Variants in STXBP5L observed in about 807,000 individuals in gnomAD.
The protein encoded by STXBP5L is syntaxin-binding protein 5-like.
A neutral mutation model predicts 144.5 loss-of-function variants in STXBP5L; 65 were observed. The observed-to-expected ratio is 0.45, with a 90% CI of 0.37 to 0.55. The LOEUF (loss-of-function observed/expected upper bound fraction) is 0.55, where lower values mean the gene tolerates loss of function less well. Among genes scored for constraint, STXBP5L ranks in the 20% least tolerant of loss-of-function variants. The pLI is 0.00. For missense variants in STXBP5L, 1,298 were observed against 1,405.5 expected, an observed-to-expected ratio of 0.92 and a Z score of 1.22; for synonymous variants, 505 against 469.6, an observed-to-expected ratio of 1.08 and a Z score of -0.97.
intron 19 of STXBP5L, among the ~76,000 whole-genome samples, chr3:121,297,946 G>A (rs1604880): frequency 0.099 from 15,125 of 152,190 alleles, 1,181 homozygotes; most frequent in Admixed American, 0.2. Flanking sequence ...ACATGAGAAT[G>A]CTAATATTTC....
chr3:121,052,255 C>T (rs1338906054), intron 5 of STXBP5L, among the ~76,000 whole-genome samples: 1 of 150,534 alleles, frequency 6.6e-6, no homozygotes, highest in East Asian at 2.0e-4. Flanking sequence ...TCCTGGCATC[C>T]AGGCTTTGAT....
chr3:121,395,607 TG>T (rs1468043521), intron 22 of STXBP5L, among the ~76,000 whole-genome samples: 1 of 152,236 alleles, frequency 6.6e-6, no homozygotes, highest in Non-Finnish European at 1.5e-5. Flanking sequence ...CATGTGCAAC[TG>T]CATCATAGAG....
intron 7 of STXBP5L, among the ~76,000 whole-genome samples, chr3:121,149,415 G>A (rs2045848521): frequency 6.6e-6 from 1 of 151,834 alleles, no homozygotes; most frequent in African/African-American, 2.4e-5. Context: ...AGCCACCAAA[G>A]TCAGGAAGAA....
intron 3 of STXBP5L, among the ~76,000 whole-genome samples, chr3:121,018,742 TG>T (rs1411738182): frequency 6.6e-6 from 1 of 152,152 alleles, no homozygotes; most frequent in African/African-American, 2.4e-5. Flanking sequence ...AGGCACAAAA[TG>T]GCAGATAGGA....
rs995417871 is a variant in STXBP5L, at chr3:121,109,731, C to A, written c.471-5194C>A. 2.0e-5 allele frequency among the ~76,000 whole-genome samples: 3 copies of A among 152,162 alleles called. No individual in the cohort carries two copies. The East Asian group carries it at 5.8e-4, about 29-fold the overall frequency. On this transcript the variant is annotated intron_variant, in intron 5 of 26. Transcript: ENST00000471454. Reference sequence around the variant, plus strand: ...TAGAGAGTTCTGTAGATACCCAGACCAACTTAAGCCAGAGCTGAGTTTGAG... The same window carrying A: ...TAGAGAGTTCTGTAGATACCCAGACAAACTTAAGCCAGAGCTGAGTTTGAG...
chr3:120,952,738 A>G (rs1188457650), intron 2 of STXBP5L, among the ~76,000 whole-genome samples: 4 of 152,136 alleles, frequency 2.6e-5, no homozygotes, highest in Admixed American at 1.3e-4. Flanking sequence ...AACTATATAA[A>G]GTACCCATGC....
At chr3:121,163,028 C>A (rs2046376544) in intron 9 of STXBP5L, among the ~76,000 whole-genome samples, 1 of 152,156 alleles carries the variant, frequency 6.6e-6, no homozygotes, top group Non-Finnish European at 1.5e-5. Flanking sequence ...CCTCAAGAAT[C>A]TAGAACCAGA....
chr3:121,278,259 G>A (rs150511353), intron 18 of STXBP5L, among the ~76,000 whole-genome samples: 6 of 151,820 alleles, frequency 4.0e-5, no homozygotes, highest in Admixed American at 3.3e-4. Context: ...TGACCAATAT[G>A]TGAAAACTGT....
At chr3:121,328,487 G>A (rs756894071) in intron 20 of STXBP5L, among the ~76,000 whole-genome samples, 8 of 152,148 alleles carry the variant, frequency 5.3e-5, no homozygotes, top group African/African-American at 1.2e-4. Context: ...GGTGGCTCAC[G>A]CTTGTAAACT....
intron 3 of STXBP5L, among the ~76,000 whole-genome samples, chr3:120,977,692 C>A (rs905781827): frequency 6.6e-6 from 1 of 152,124 alleles, no homozygotes; most frequent in African/African-American, 2.4e-5. Context: ...CCAGTTGTTT[C>A]TTTCCATGTT....
At chr3:121,395,076 T>C (rs1485230083) in intron 22 of STXBP5L, among the ~76,000 whole-genome samples, 1 of 152,226 alleles carries the variant, frequency 6.6e-6, no homozygotes, top group Non-Finnish European at 1.5e-5. Context: ...TATCATTCTT[T>C]GTGAAAATTC....
intron 3 of STXBP5L, among the ~76,000 whole-genome samples, chr3:120,967,325 G>C (rs757578183): frequency 6.6e-6 from 1 of 152,118 alleles, no homozygotes; most frequent in Non-Finnish European, 1.5e-5. Flanking sequence ...ACCAGTCCCA[G>C]TGAGATTAAG....
chr3:121,171,971 C>T (rs1394772061), intron 9 of STXBP5L, among the ~76,000 whole-genome samples: 1 of 152,158 alleles, frequency 6.6e-6, no homozygotes, highest in Non-Finnish European at 1.5e-5. Context: ...GCTACAGTAA[C>T]CCAAACAGCA....
intron 9 of STXBP5L, among the ~76,000 whole-genome samples, chr3:121,175,711 C>G (rs534547758): frequency 2.2e-4 from 33 of 151,900 alleles, no homozygotes; most frequent in Non-Finnish European, 4.1e-4. Context: ...ATTTTAAATA[C>G]AAGTATATCA....
intron 5 of STXBP5L, among the ~76,000 whole-genome samples, chr3:121,092,125 T>C (rs2042840556): frequency 6.6e-6 from 1 of 151,874 alleles, no homozygotes. Flanking sequence ...GTTCTATTGG[T>C]CTATATCTCT....
At chr3:121,354,317 A>T (rs1010653814) in intron 20 of STXBP5L, among the ~76,000 whole-genome samples, 1 of 152,080 alleles carries the variant, frequency 6.6e-6, no homozygotes, top group South Asian at 2.1e-4. Context: ...TGGGAGCCTA[A>T]GTCTCTTTGT....
intron 11 of STXBP5L, among the ~76,000 whole-genome samples, chr3:121,226,041 T>C (rs1032739401): frequency 7.2e-5 from 11 of 152,118 alleles, no homozygotes; most frequent in African/African-American, 2.2e-4. Context: ...GAAAAAAATA[T>C]TGTTGCCGTG....
chr3:120,968,350 T>A (rs1368359660), intron 3 of STXBP5L, among the ~76,000 whole-genome samples: 2 of 152,186 alleles, frequency 1.3e-5, no homozygotes, highest in Admixed American at 1.3e-4. Context: ...CATCATCATA[T>A]AATGACCTTC....
At chr3:121,234,989 T>A (rs2049428070) in intron 12 of STXBP5L, among the ~76,000 whole-genome samples, 1 of 149,776 alleles carries the variant, frequency 6.7e-6, no homozygotes, top group Non-Finnish European at 1.5e-5. Context: ...CTTTCTTCAG[T>A]ATATATATAT....
Sources: gnomAD v4.1 joint callset for allele counts (sites outside exome capture counted in the v4.1 genomes callset) on GRCh38, gnomAD v4.1.1 for gene constraint, MANE v1.5 for transcripts, NCBI Gene and HGNC (gene_info 2026-07-23, HGNC 2026-07-21) for gene names.